Variants in RNFT2 observed in about 807,000 individuals in gnomAD.
RNFT2 encodes ring finger protein, transmembrane 2.
A neutral mutation model predicts 53.0 loss-of-function variants in RNFT2; 36 were observed. The observed-to-expected ratio is 0.68, with a 90% CI of 0.52 to 0.90. The LOEUF is 0.90. Ranked by LOEUF, RNFT2 falls within the 40% of genes least tolerant of loss-of-function variation. RNFT2 has a pLI of 0.00. For synonymous variants in RNFT2, 260 were observed against 253.2 expected (o/e 1.03, Z -0.26); for missense variants, 514 against 585.6 (o/e 0.88, Z 1.26).
intron 3 of RNFT2, among the ~76,000 whole-genome samples, chr12:116,742,514 G>A (rs1000222312): frequency 6.6e-6 from 1 of 152,062 alleles, no homozygotes; most frequent in Admixed American, 6.6e-5. Flanking sequence ...CGATCTGTCC[G>A]ACTTGGCCGC....
At chr12:116,821,214 T>C (rs1876001240) in intron 7 of RNFT2, among the ~76,000 whole-genome samples, 1 of 151,274 alleles carries the variant, frequency 6.6e-6, no homozygotes, top group East Asian at 1.9e-4. Flanking sequence ...TTCCCCCTCC[T>C]GTTTCTATCC....
At position 116,830,099 on chromosome 12, in the gene RNFT2, G is replaced by T. The variant is rs544079155; in HGVS notation, c.883-3693G>T. 2.3e-4 allele frequency among the ~76,000 whole-genome samples: 35 copies of T among 151,998 alleles called. No individual in the cohort carries two copies. In the South Asian group the frequency reaches 7.3e-3, roughly 32 times the overall value. On this transcript the variant is annotated intron_variant, in intron 7 of 10. Coordinates refer to ENST00000257575, the MANE Select transcript of RNFT2 (RefSeq NM_001382266.1). The stretch of plus-strand genomic sequence containing the variant: ...GAGATAATTTTAGACTTAAAGAAAA[G>T]TTGCAAAAGTAATGCTGCGAGTTCC...
At chr12:116,769,302 G>A (rs533758033) in intron 6 of RNFT2, among the ~76,000 whole-genome samples, 1 of 152,242 alleles carries the variant, frequency 6.6e-6, no homozygotes, top group South Asian at 2.1e-4. Flanking sequence ...AGGTTGCAGT[G>A]AGCCGTGATC....
In RNFT2 at chr12:116,851,635, GA is replaced by G; in HGVS notation, c.*2188del. 1.6e-6 allele frequency: 1 copy of G among 614,056 alleles called. No individual in the cohort carries two copies. The highest frequency in any genetic ancestry group is 2.9e-6 in the Non-Finnish European group (1 of 347,194). The allele number at this position is 614,056 out of a possible 1,614,324, so 38.0% of individuals were successfully genotyped here. On this transcript the variant is annotated 3_prime_UTR_variant, in exon 11 of 11. Coordinates refer to ENST00000257575, the MANE Select transcript of RNFT2 (RefSeq NM_001382266.1). ...GGTGCCTGTAATCCCAGCTACTCAG[GA>G]GGCTAAGGCAGGGAGAACTGCTTGA...
At chr12:116,754,102 A>G in intron 5 of RNFT2, 42 bp downstream of exon 5, 1 of 1,517,948 alleles carries the variant, frequency 6.6e-7, no homozygotes, top group Non-Finnish European at 9.1e-7. Context: ...CTGCTGCAAC[A>G]AATAAGCCAC....
intron 5 of RNFT2, 78 bp downstream of exon 5, chr12:116,754,138 G>A (rs1054004883): frequency 1.7e-6 from 2 of 1,146,666 alleles, no homozygotes; most frequent in Non-Finnish European, 2.6e-6. Context: ...TTCCCGGCAA[G>A]TCTCCAGAGT....
chr12:116,770,866 ATTCATTCATTCT>A (rs1177465316), intron 6 of RNFT2, among the ~76,000 whole-genome samples: 2 of 151,818 alleles, frequency 1.3e-5, no homozygotes, highest in Admixed American at 6.6e-5. Context: ...TTCTTTTTTC[ATTCATTCATTCT>A]TTCATTCATT....
At chr12:116,758,509 T>A (rs937297604) in intron 5 of RNFT2, among the ~76,000 whole-genome samples, 1 of 152,222 alleles carries the variant, frequency 6.6e-6, no homozygotes, top group African/African-American at 2.4e-5. Context: ...TTAGAGCTCC[T>A]TTTAGCAGTT....
At chr12:116,835,464 G>T (rs1193768301) in intron 8 of RNFT2, among the ~76,000 whole-genome samples, 1 of 152,074 alleles carries the variant, frequency 6.6e-6, no homozygotes, top group East Asian at 1.9e-4. Context: ...CTTTCTCTTT[G>T]GTTCTCCATT....
chr12:116,794,429 C>G (rs569376820), intron 7 of RNFT2, among the ~76,000 whole-genome samples: 4 of 151,406 alleles, frequency 2.6e-5, no homozygotes, highest in Admixed American at 1.3e-4. Flanking sequence ...AAAATCCTGT[C>G]TCTACTAAAA....
rs1404125102 is a variant in RNFT2, at chr12:116,792,014, C to T, written c.882+12666C>T. Among the ~76,000 whole-genome samples the T allele has an allele frequency of 5.3e-5, 8 of 152,216 alleles. No homozygotes were observed. In the East Asian group the frequency reaches 7.7e-4, roughly 15 times the overall value. ...ACTGCTACCCTGAATTATTAGACCG[C>T]GGTCCTTCCCGTGTATGTTCCCTGA... is the stretch of plus-strand genomic sequence containing the variant. On this transcript the variant is annotated intron_variant, in intron 7 of 10. Coordinates refer to ENST00000257575, the MANE Select transcript of RNFT2 (RefSeq NM_001382266.1).
At chr12:116,845,137 G>A (rs982698305) in intron 10 of RNFT2, among the ~76,000 whole-genome samples, 5 of 151,488 alleles carry the variant, frequency 3.3e-5, no homozygotes, top group African/African-American at 9.7e-5. Flanking sequence ...GTAGCTACTT[G>A]GGAGATTGAA....
intron 4 of RNFT2, among the ~76,000 whole-genome samples, chr12:116,750,848 T>TA (rs1872183182): frequency 1.8e-3 from 5 of 2,820 alleles, no homozygotes; most frequent in Non-Finnish European, 2.2e-3. Context: ...ATTATATATA[T>TA]ATAATATATA....
At chr12:116,764,848 C>T (rs1451801202) in intron 5 of RNFT2, among the ~76,000 whole-genome samples, 1 of 152,140 alleles carries the variant, frequency 6.6e-6, no homozygotes, top group Non-Finnish European at 1.5e-5. Context: ...GCTGAGATTG[C>T]GCCACTACAC....
intron 1 of RNFT2, chr12:116,738,574 G>GT (rs2137055438): frequency 6.6e-6 from 1 of 152,064 alleles, no homozygotes; most frequent in East Asian, 1.9e-4. Context: ...GTGCAGTCCT[G>GT]TAACGGGCCC....
At chr12:116,798,239 AAGC>A (rs895297677) in intron 7 of RNFT2, among the ~76,000 whole-genome samples, 9 of 151,566 alleles carry the variant, frequency 5.9e-5, no homozygotes, top group East Asian at 1.9e-4. Flanking sequence ...AAAAAAAAAG[AAGC>A]AGCAGCAGCA....
intron 7 of RNFT2, among the ~76,000 whole-genome samples, chr12:116,817,059 C>A (rs1875721269): frequency 6.6e-6 from 1 of 152,196 alleles, no homozygotes; most frequent in Non-Finnish European, 1.5e-5. Context: ...GTCGCCCAGG[C>A]TAGAATACAG....
intron 3 of RNFT2, among the ~76,000 whole-genome samples, chr12:116,743,239 A>AAAAAAAAAAAAAAAAAAAAAG (rs1566066766): frequency 9.2e-6 from 1 of 108,652 alleles, no homozygotes; most frequent in Non-Finnish European, 1.9e-5. Context: ...AAAAAAAAAA[A>AAAAAAAAAAAAAAAAAAAAAG]AAAAACCGGT....
At chr12:116,779,755 C>T (rs923371045) in intron 7 of RNFT2, among the ~76,000 whole-genome samples, 1 of 152,150 alleles carries the variant, frequency 6.6e-6, no homozygotes, top group Non-Finnish European at 1.5e-5. Flanking sequence ...GGGACTGAGG[C>T]TCAGAAGGAA....
Sources: gnomAD v4.1 joint callset for allele counts (sites outside exome capture counted in the v4.1 genomes callset) on GRCh38, gnomAD v4.1.1 for gene constraint, MANE v1.5 for transcripts, NCBI Gene and HGNC (gene_info 2026-07-23, HGNC 2026-07-21) for gene names.